CTNNBL1: variants seen among roughly 807,000 people sequenced by gnomAD.
CTNNBL1 encodes beta-catenin-like protein 1.
In CTNNBL1, 31 loss-of-function variants were observed where a neutral mutation model predicts 72.7. The observed-to-expected ratio is 0.43, with a 90% CI of 0.32 to 0.58. The LOEUF (loss-of-function observed/expected upper bound fraction) is 0.58, where lower values mean the gene tolerates loss of function less well. CTNNBL1 is among the 20% of genes least tolerant of loss of function. The pLI is 0.08. For missense variants in CTNNBL1, 534 were observed against 725.1 expected, an observed-to-expected ratio of 0.74 and a Z score of 3.03; for synonymous variants, 240 against 267.3, an observed-to-expected ratio of 0.90 and a Z score of 1.00.
intron 11 of CTNNBL1, among the ~76,000 whole-genome samples, chr20:37,804,208 AACC>A (rs1321521001): frequency 6.6e-6 from 1 of 152,188 alleles, no homozygotes; most frequent in Non-Finnish European, 1.5e-5. Flanking sequence ...TAAATATGTT[AACC>A]CCGTGCTAGA....
At chr20:37,776,024 T>A (rs575753810) in intron 7 of CTNNBL1, among the ~76,000 whole-genome samples, 1 of 152,352 alleles carries the variant, frequency 6.6e-6, no homozygotes, top group East Asian at 1.9e-4. Flanking sequence ...TAGAGATGCT[T>A]ACTCCTTGGC....
chr20:37,871,016 GGCT>G (rs2072579192), intron 15 of CTNNBL1, among the ~76,000 whole-genome samples: 1 of 152,140 alleles, frequency 6.6e-6, no homozygotes, highest in South Asian at 2.1e-4. Flanking sequence ...CTAGAAAGTA[GGCT>G]CCACACAAGC....
At chr20:37,847,081 A>G (rs574762388) in intron 13 of CTNNBL1, among the ~76,000 whole-genome samples, 1 of 152,088 alleles carries the variant, frequency 6.6e-6, no homozygotes, top group Admixed American at 6.5e-5. Context: ...CGCTTTCCAC[A>G]TTATTCCTTA....
intron 7 of CTNNBL1, among the ~76,000 whole-genome samples, chr20:37,775,560 T>C (rs1171509288): frequency 1.3e-5 from 2 of 152,254 alleles, no homozygotes; most frequent in Non-Finnish European, 2.9e-5. Context: ...GTGTGTCTAA[T>C]GCCAGATCTG....
intron 1 of CTNNBL1, among the ~76,000 whole-genome samples, chr20:37,717,873 A>T (rs1053651858): frequency 6.6e-6 from 1 of 152,170 alleles, no homozygotes; most frequent in Non-Finnish European, 1.5e-5. Flanking sequence ...CCCTTAATCC[A>T]TTTAACCCTG....
At chr20:37,702,438 A>C (rs2072852511) in intron 1 of CTNNBL1, among the ~76,000 whole-genome samples, 1 of 152,200 alleles carries the variant, frequency 6.6e-6, no homozygotes, top group Admixed American at 6.5e-5. Flanking sequence ...ACTGGTGCTC[A>C]GATACATCCT....
intron 11 of CTNNBL1, among the ~76,000 whole-genome samples, chr20:37,816,211 G>T (rs985768615): frequency 6.6e-6 from 1 of 152,206 alleles, no homozygotes; most frequent in Non-Finnish European, 1.5e-5. Context: ...TTCAAGAGAA[G>T]CAGCCCTTTT....
chr20:37,701,973 G>A (rs551941446), intron 1 of CTNNBL1, among the ~76,000 whole-genome samples: 2 of 152,200 alleles, frequency 1.3e-5, no homozygotes, highest in East Asian at 1.9e-4. Flanking sequence ...TACATCGTAC[G>A]CACGTGGAAT....
At chr20:37,860,372 G>C in intron 15 of CTNNBL1, 28 bp downstream of exon 15, 1 of 1,541,092 alleles carries the variant, frequency 6.5e-7, no homozygotes, top group African/African-American at 1.4e-5. Context: ...CATGTCTGGG[G>C]CTCCAGAGGA....
At position 37,782,376 on chromosome 20, in the gene CTNNBL1, AT is replaced by A. The variant is rs140581383; in HGVS notation, c.1031+3042del. On this transcript the variant is annotated intron_variant, in intron 10 of 15. Coordinates refer to ENST00000361383, the MANE Select transcript of CTNNBL1 (RefSeq NM_030877.5). ...TACATACTCCCTCCTTCCCACACAT[AT>A]GTGCACACACACACAAGCATATATT... Among the ~76,000 whole-genome samples, 577 of 152,306 alleles carry A rather than the reference AT, an allele frequency of 3.8e-3. 1 individual carries two copies. The highest frequency in any genetic ancestry group is 0.017 in the Middle Eastern group (5 of 294).
chr20:37,731,140 C>CT lies in CTNNBL1; in HGVS notation c.31-1739_31-1738insT, dbSNP rs574139386. On this transcript the variant is annotated intron_variant, in intron 1 of 15. Coordinates refer to ENST00000361383, the MANE Select transcript of CTNNBL1 (RefSeq NM_030877.5). The stretch of plus-strand genomic sequence containing the variant: ...TTTCTGTAGTGAAAATATTTAAAAT[C>CT]GTTTTATCAATTTTTAAATGTACAG... Among the ~76,000 whole-genome samples the CT allele has an allele frequency of 2.8e-3, 428 of 152,026 alleles. 5 individuals carry two copies. The highest frequency in any genetic ancestry group is 0.017 in the East Asian group (89 of 5,170).
Position 37,765,188 on chromosome 20 carries a change from T to C in CTNNBL1, c.565-9T>C, listed in dbSNP as rs188004269. The C allele has an allele frequency of 3.4e-5, 52 of 1,548,082 alleles. No individual in the cohort carries two copies. In the Admixed American group the frequency reaches 9.8e-4, roughly 29 times the overall value. ...ATCCCTCTCTCCTTTTGCTTCGCTA[T>C]TCTTGCAGGTGGATGGGCAGGTGGT... On this transcript the variant is annotated splice_polypyrimidine_tract_variant and intron_variant, in intron 5 of 15. Coordinates refer to ENST00000361383, the MANE Select transcript of CTNNBL1 (RefSeq NM_030877.5).
At chr20:37,704,345 G>A (rs2072868013) in intron 1 of CTNNBL1, among the ~76,000 whole-genome samples, 1 of 152,122 alleles carries the variant, frequency 6.6e-6, no homozygotes, top group South Asian at 2.1e-4. Context: ...TTTATGGAGG[G>A]AGCGCTGCAC....
At chr20:37,822,498 C>A (rs1303373032) in intron 11 of CTNNBL1, among the ~76,000 whole-genome samples, 5 of 152,162 alleles carry the variant, frequency 3.3e-5, no homozygotes, top group Non-Finnish European at 7.3e-5. Flanking sequence ...TGCCAGAAAC[C>A]ATCTGTTTTA....
chr20:37,768,410 C>T (rs1023740572), intron 7 of CTNNBL1, among the ~76,000 whole-genome samples: 1 of 152,154 alleles, frequency 6.6e-6, no homozygotes, highest in Non-Finnish European at 1.5e-5. Flanking sequence ...GTGTGTTTCA[C>T]AAACAGAATT....
chr20:37,715,775 G>T (rs1458135950), intron 1 of CTNNBL1, among the ~76,000 whole-genome samples: 1 of 152,182 alleles, frequency 6.6e-6, no homozygotes, highest in African/African-American at 2.4e-5. Context: ...AGATTAAGAG[G>T]TTGTTGAAAA....
intron 11 of CTNNBL1, among the ~76,000 whole-genome samples, chr20:37,804,975 G>A (rs1473710234): frequency 6.6e-6 from 1 of 152,244 alleles, no homozygotes; most frequent in Non-Finnish European, 1.5e-5. Context: ...TCTGCATCCT[G>A]AGCGGACCAG....
In CTNNBL1 at chr20:37,862,680, GT is replaced by G. The variant is rs1249058285; in HGVS notation, c.1603+2341del. ...ACGCCATCTTCATTCCCACCCCTCT[GT>G]TTTTCTCCCCCACTGCTTTCTGCCC... On this transcript the variant is annotated intron_variant, in intron 15 of 15. Transcript: ENST00000361383. Among the ~76,000 whole-genome samples, 4 of 151,958 alleles carry G rather than the reference GT, an allele frequency of 2.6e-5. No individual in the cohort carries two copies. The East Asian group carries it at 5.8e-4, about 22-fold the overall frequency.
At chr20:37,748,950 C>T (rs1168009870) in intron 4 of CTNNBL1, among the ~76,000 whole-genome samples, 1 of 152,250 alleles carries the variant, frequency 6.6e-6, no homozygotes, top group Non-Finnish European at 1.5e-5. Flanking sequence ...TTCACAGACT[C>T]AGTGACTACG....
Sources: allele counts gnomAD v4.1 joint callset (sites outside exome capture counted in the v4.1 genomes callset), GRCh38; gene constraint gnomAD v4.1.1; transcripts MANE v1.5; gene names NCBI Gene and HGNC (gene_info 2026-07-23, HGNC 2026-07-21).